Variants in ELMO1 observed in about 807,000 individuals in gnomAD.
ELMO1 encodes the protein engulfment and cell motility protein 1.
ELMO1 carries 26 observed loss-of-function variants against 98.9 expected under a neutral mutation model. The ratio of observed to expected loss-of-function variants is 0.26; its 90% CI spans 0.19 to 0.36. The LOEUF (loss-of-function observed/expected upper bound fraction) is 0.36. ELMO1 is among the 10% of genes least tolerant of loss of function. The pLI is 1.00. For synonymous variants in ELMO1, 346 were observed against 346.0 expected, an observed-to-expected ratio of 1.00 and a Z score of 0.00; for missense variants, 627 against 935.2, an observed-to-expected ratio of 0.67 and a Z score of 4.30.
chr7:36,937,265 G>T (rs940462351), intron 16 of ELMO1, among the ~76,000 whole-genome samples: 7 of 152,182 alleles, frequency 4.6e-5, no homozygotes, highest in African/African-American at 1.7e-4. Context: ...AGTATAACTG[G>T]CGTCCTTATA....
chr7:37,282,923 T>C (rs181437141), intron 4 of ELMO1, among the ~76,000 whole-genome samples: 1 of 152,374 alleles, frequency 6.6e-6, no homozygotes, highest in African/African-American at 2.4e-5. Context: ...AGGACCCAGA[T>C]ATCCTGTACC....
At chr7:36,865,220 CTCTA>C (rs1296156025) in intron 20 of ELMO1, among the ~76,000 whole-genome samples, 1 of 152,170 alleles carries the variant, frequency 6.6e-6, no homozygotes, top group Non-Finnish European at 1.5e-5. Flanking sequence ...TATGTTGGTT[CTCTA>C]TCTATCCAGG....
At chr7:36,966,603 G>C (rs150111776) in intron 16 of ELMO1, among the ~76,000 whole-genome samples, 4 of 152,318 alleles carry the variant, frequency 2.6e-5, no homozygotes, top group African/African-American at 9.6e-5. Context: ...TAAATGATTT[G>C]AGGAATGTGT....
chr7:37,058,702 T>C lies in ELMO1; in HGVS notation c.1300+37917A>G, dbSNP rs73346368. ...ATCTCAATGCAGGAAGCCCTGGGGA[T>C]ACTCTAGGACCAAGGAAGCCTAGAA... On this transcript the variant is annotated intron_variant, in intron 15 of 21. Transcript: ENST00000310758. Among the ~76,000 whole-genome samples, 1,226 of 152,248 alleles carry C rather than the reference T, an allele frequency of 8.1e-3. 17 individuals are homozygous for C. The highest frequency in any genetic ancestry group is 0.028 in the African/African-American group (1,166 of 41,524).
At chr7:37,349,614 T>C (rs10235422) in intron 1 of ELMO1, among the ~76,000 whole-genome samples, 82,865 of 151,596 alleles carry the variant, frequency 0.55, 22,763 homozygotes, top group East Asian at 0.68. Flanking sequence ...CCACCTTGCG[T>C]GGCTAATTTT....
At chr7:37,146,356 C>T (rs1341841213) in intron 13 of ELMO1, among the ~76,000 whole-genome samples, 1 of 152,162 alleles carries the variant, frequency 6.6e-6, no homozygotes, top group African/African-American at 2.4e-5. Context: ...ACTATAAGAA[C>T]CACTGCTCCA....
intron 15 of ELMO1, among the ~76,000 whole-genome samples, chr7:37,022,149 A>G (rs1297886133): frequency 6.6e-6 from 1 of 152,216 alleles, no homozygotes; most frequent in African/African-American, 2.4e-5. Flanking sequence ...AAAACAATAA[A>G]GTTGTTTTCA....
At chr7:37,006,819 T>C (rs1793164692) in intron 16 of ELMO1, among the ~76,000 whole-genome samples, 1 of 152,194 alleles carries the variant, frequency 6.6e-6, no homozygotes, top group Non-Finnish European at 1.5e-5. Context: ...TATTAACACA[T>C]ATCTGTTTAT....
intron 19 of ELMO1, among the ~76,000 whole-genome samples, chr7:36,872,331 G>A (rs1803592195): frequency 6.6e-6 from 1 of 152,204 alleles, no homozygotes; most frequent in Non-Finnish European, 1.5e-5. Context: ...CAGAAAGTGA[G>A]AGGATGGAAG....
At chr7:37,196,057 T>C (rs940808635) in intron 13 of ELMO1, among the ~76,000 whole-genome samples, 4 of 152,172 alleles carry the variant, frequency 2.6e-5, no homozygotes, top group African/African-American at 4.8e-5. Flanking sequence ...TGAAAATACT[T>C]GCTTTCCCTC....
intron 1 of ELMO1, among the ~76,000 whole-genome samples, chr7:37,403,811 G>T (rs1457569687): frequency 6.6e-6 from 1 of 152,170 alleles, no homozygotes; most frequent in Non-Finnish European, 1.5e-5. Context: ...CTCCCAAAGT[G>T]CTGGGATTAC....
intron 1 of ELMO1, among the ~76,000 whole-genome samples, chr7:37,408,821 C>T (rs1206842833): frequency 6.6e-6 from 1 of 152,120 alleles, no homozygotes; most frequent in East Asian, 1.9e-4. Context: ...AATGAAAAAG[C>T]TCTAGAGATC....
At chr7:37,027,530 C>T (rs1794648322) in intron 15 of ELMO1, among the ~76,000 whole-genome samples, 1 of 152,116 alleles carries the variant, frequency 6.6e-6, no homozygotes, top group Non-Finnish European at 1.5e-5. Flanking sequence ...AGGGAATGAT[C>T]CATTGATAGT....
rs549769811 is a variant in ELMO1, at chr7:37,034,574, A to G, written c.1301-21139T>C. Among the ~76,000 whole-genome samples, 3 of 152,328 alleles carry G rather than the reference A, an allele frequency of 2.0e-5. No individual in the cohort carries two copies. In the South Asian group the frequency reaches 6.2e-4, roughly 32 times the overall value. On this transcript the variant is annotated intron_variant, in intron 15 of 21. Coordinates refer to ENST00000310758, the MANE Select transcript of ELMO1 (RefSeq NM_014800.11). ...TTGGCTAGATGCCTATCAGATAGCAAAAACAGTTGATTAATACATATTTTG... is the reference window on the plus strand; with the variant it reads ...TTGGCTAGATGCCTATCAGATAGCAGAAACAGTTGATTAATACATATTTTG...
At chr7:37,158,852 C>G (rs1788986641) in intron 13 of ELMO1, among the ~76,000 whole-genome samples, 1 of 152,182 alleles carries the variant, frequency 6.6e-6, no homozygotes, top group African/African-American at 2.4e-5. Context: ...GACCCATGCA[C>G]ATGTATGTTT....
chr7:36,966,659 C>T (rs1789462318), intron 16 of ELMO1, among the ~76,000 whole-genome samples: 2 of 152,168 alleles, frequency 1.3e-5, no homozygotes, highest in African/African-American at 4.8e-5. Flanking sequence ...GTATGATTAG[C>T]ATCAATGAAT....
chr7:36,927,015 C>A (rs1785631210), intron 16 of ELMO1, among the ~76,000 whole-genome samples: 1 of 151,956 alleles, frequency 6.6e-6, no homozygotes, highest in Non-Finnish European at 1.5e-5. Flanking sequence ...AAAAAGATAC[C>A]CAGCCTTTTA....
chr7:37,143,639 T>C (rs983733204), intron 13 of ELMO1, among the ~76,000 whole-genome samples: 10 of 151,478 alleles, frequency 6.6e-5, no homozygotes, highest in African/African-American at 2.2e-4. Flanking sequence ...ACTCCTGACC[T>C]CAAGTGATTT....
At chr7:37,296,711 A>G (rs977820766) in intron 4 of ELMO1, among the ~76,000 whole-genome samples, 3 of 152,204 alleles carry the variant, frequency 2.0e-5, no homozygotes, top group Admixed American at 6.5e-5. Flanking sequence ...TTAGCTGGAA[A>G]TTGCTTTTAA....
Sources: gnomAD v4.1 joint callset for allele counts (sites outside exome capture counted in the v4.1 genomes callset) on GRCh38, gnomAD v4.1.1 for gene constraint, MANE v1.5 for transcripts, NCBI Gene and HGNC (gene_info 2026-07-23, HGNC 2026-07-21) for gene names.